TAF4B: variants seen among roughly 807,000 people sequenced by gnomAD.
The protein encoded by TAF4B is TATA-box binding protein associated factor 4b.
Under a neutral mutation model 86.4 loss-of-function variants are expected in TAF4B, and 38 were observed. The observed-to-expected ratio is 0.44, with a 90% CI of 0.34 to 0.58. TAF4B has a LOEUF of 0.58. TAF4B is among the 20% of genes least tolerant of loss of function. TAF4B has a pLI of 0.02. For missense variants in TAF4B, 988 were observed against 1,027.6 expected (o/e 0.96, Z 0.53); for synonymous variants, 388 against 391.2 (o/e 0.99, Z 0.10).
At chr18:26,235,965 T>C (rs1176365507) in intron 1 of TAF4B, among the ~76,000 whole-genome samples, 7 of 152,182 alleles carry the variant, frequency 4.6e-5, no homozygotes, top group Non-Finnish European at 8.8e-5. Context: ...TGTCTAACAA[T>C]ATCCTGTAAT....
chr18:26,363,291 G>T (rs1037307746), intron 14 of TAF4B, among the ~76,000 whole-genome samples: 2 of 147,210 alleles, frequency 1.4e-5, no homozygotes, highest in African/African-American at 5.0e-5. Flanking sequence ...TGAGAGACAG[G>T]CTGGGTGCAG....
chr18:26,327,178 G>T, intron 12 of TAF4B, 38 bp downstream of exon 12: 1 of 1,598,210 alleles, frequency 6.3e-7, no homozygotes. Flanking sequence ...ATGTGGCCTG[G>T]CAGTGTGGTC....
chr18:26,338,303 G>T (rs1051954585), intron 13 of TAF4B, among the ~76,000 whole-genome samples: 3 of 151,572 alleles, frequency 2.0e-5, no homozygotes, highest in African/African-American at 7.3e-5. Context: ...CAAAAAATTA[G>T]CTGAGTGTGG....
intron 3 of TAF4B, among the ~76,000 whole-genome samples, chr18:26,268,150 T>C (rs1048846024): frequency 1.3e-5 from 2 of 152,214 alleles, no homozygotes; most frequent in African/African-American, 4.8e-5. Flanking sequence ...CCTCTGCAGC[T>C]GAGGGAAGCC....
intron 14 of TAF4B, among the ~76,000 whole-genome samples, chr18:26,367,014 T>A (rs559923062): frequency 2.2e-4 from 33 of 152,178 alleles, no homozygotes; most frequent in Non-Finnish European, 4.0e-4. Flanking sequence ...AATTAGTAAG[T>A]AGAAGAACCC....
At chr18:26,241,947 A>T (rs553126487) in intron 1 of TAF4B, among the ~76,000 whole-genome samples, 34 of 152,280 alleles carry the variant, frequency 2.2e-4, no homozygotes, top group Non-Finnish European at 4.0e-4. Flanking sequence ...GTGGTCTGAG[A>T]GGCAGTTTGT....
At chr18:26,378,284 T>G (rs1791738) in intron 14 of TAF4B, among the ~76,000 whole-genome samples, 3,013 of 152,314 alleles carry the variant, frequency 0.02, 43 homozygotes, top group Middle Eastern at 0.1. Context: ...ATACATAAAT[T>G]TCTCAAGCAT....
At chr18:26,377,150 T>A (rs1405570040) in intron 14 of TAF4B, among the ~76,000 whole-genome samples, 4 of 152,160 alleles carry the variant, frequency 2.6e-5, no homozygotes, top group Non-Finnish European at 2.9e-5. Context: ...TTTCATGATG[T>A]CTTTAGCTTG....
intron 1 of TAF4B, among the ~76,000 whole-genome samples, chr18:26,258,704 AT>A (rs1253949131): frequency 1.3e-5 from 2 of 151,538 alleles, no homozygotes; most frequent in Non-Finnish European, 2.9e-5. Flanking sequence ...TTAAAAAAAA[AT>A]TTTTTTTAGA....
intron 14 of TAF4B, among the ~76,000 whole-genome samples, chr18:26,387,191 G>A (rs1047679781): frequency 2.6e-4 from 40 of 151,966 alleles, no homozygotes; most frequent in African/African-American, 8.5e-4. Flanking sequence ...TCAGTCTCCC[G>A]AGTAAGTGAG....
At chr18:26,358,728 A>G (rs1271996479) in intron 14 of TAF4B, among the ~76,000 whole-genome samples, 9 of 152,220 alleles carry the variant, frequency 5.9e-5, no homozygotes, top group Admixed American at 5.2e-4. Context: ...AAAATAAAAA[A>G]AAGATAATAT....
chr18:26,346,881 A>ATATATATATATATATATG lies in TAF4B; in HGVS notation c.2317-10792_2317-10791insGTATATATATATATATAT, dbSNP rs1555623699. ...TATGTGTATATATATATATGTGTAT[A>ATATATATATATATATATG]TATATATATATATATATATGTGTGT... is the stretch of plus-strand genomic sequence containing the variant. On this transcript the variant is annotated intron_variant, in intron 13 of 14. Coordinates refer to ENST00000269142, the MANE Select transcript of TAF4B (RefSeq NM_005640.3). 2.5e-4 allele frequency among the ~76,000 whole-genome samples: 2 copies of ATATATATATATATATATG among 8,020 alleles called. 1 individual carries two copies. The highest frequency in any genetic ancestry group is 3.9e-4 in the African/African-American group (2 of 5,070). 5.3% of individuals were successfully genotyped at this position (8,020 alleles called of 152,430 possible).
chr18:26,250,615 A>G (rs2055992579), intron 1 of TAF4B, among the ~76,000 whole-genome samples: 1 of 152,148 alleles, frequency 6.6e-6, no homozygotes, highest in Non-Finnish European at 1.5e-5. Flanking sequence ...AAGTGCTGAG[A>G]TTACCAATGT....
intron 13 of TAF4B, among the ~76,000 whole-genome samples, chr18:26,351,640 A>C (rs2057246949): frequency 1.3e-5 from 2 of 152,204 alleles, no homozygotes; most frequent in Non-Finnish European, 2.9e-5. Flanking sequence ...AGACTTCATA[A>C]AAATTAATAT....
At chr18:26,344,720 T>G (rs2057162543) in intron 13 of TAF4B, among the ~76,000 whole-genome samples, 1 of 152,196 alleles carries the variant, frequency 6.6e-6, no homozygotes, top group African/African-American at 2.4e-5. Flanking sequence ...GATGGCTGAC[T>G]AGAGATGCCT....
intron 1 of TAF4B, among the ~76,000 whole-genome samples, chr18:26,246,483 C>A (rs1295319754): frequency 6.6e-6 from 1 of 151,920 alleles, no homozygotes; most frequent in East Asian, 1.9e-4. Flanking sequence ...TGAATCCCAG[C>A]TCTACCACTT....
chr18:26,358,607 G>A (rs970828214), intron 14 of TAF4B, among the ~76,000 whole-genome samples: 1 of 152,198 alleles, frequency 6.6e-6, no homozygotes, highest in African/African-American at 2.4e-5. Flanking sequence ...CTACTCGGGA[G>A]GCTGAGGCAG....
intron 14 of TAF4B, among the ~76,000 whole-genome samples, chr18:26,382,281 A>G (rs746821692): frequency 9.2e-5 from 14 of 152,336 alleles, no homozygotes; most frequent in Non-Finnish European, 1.5e-4. Flanking sequence ...TGTCTTAGTA[A>G]AAGTTTAAAG....
chr18:26,386,797 G>A (rs887366519), intron 14 of TAF4B, among the ~76,000 whole-genome samples: 1 of 151,996 alleles, frequency 6.6e-6, no homozygotes, highest in Non-Finnish European at 1.5e-5. Flanking sequence ...GTACTCACTC[G>A]GATTGTTTCT....
Sources: gnomAD v4.1 joint callset for allele counts (sites outside exome capture counted in the v4.1 genomes callset) on GRCh38, gnomAD v4.1.1 for gene constraint, MANE v1.5 for transcripts, NCBI Gene and HGNC (gene_info 2026-07-23, HGNC 2026-07-21) for gene names.